The following CPA5 variants were observed in gnomAD, a reference collection of about 807,000 sequenced individuals.
The protein encoded by CPA5 is testicular tissue protein Li 32.
A neutral mutation model predicts 52.2 loss-of-function variants in CPA5; 38 were observed. The ratio of observed to expected loss-of-function variants is 0.73; its 90% CI spans 0.56 to 0.95. The LOEUF (loss-of-function observed/expected upper bound fraction) is 0.95. Among genes scored for constraint, CPA5 ranks in the 40% least tolerant of loss-of-function variants. The pLI is 0.00. For missense variants in CPA5, 519 were observed against 566.7 expected (o/e 0.92, Z 0.86); for synonymous variants, 198 against 213.7 (o/e 0.93, Z 0.64).
chr7:130,368,347 G>T, intron 12 of CPA5, 63 bp from the exon 13 acceptor site: 2 of 1,543,704 alleles, frequency 1.3e-6, no homozygotes, highest in Non-Finnish European at 1.8e-6. Flanking sequence ...GGATGCCTCT[G>T]TACCTTGCAG....
chr7:130,368,102 T>C (rs1362368901), intron 12 of CPA5, 112 bp downstream of exon 12: 2 of 1,002,818 alleles, frequency 2.0e-6, no homozygotes, highest in Non-Finnish European at 3.1e-6. Context: ...CCACACTGGA[T>C]AGAAGGGTGA....
chr7:130,371,108 T>C (rs1392838625), downstream of CPA5, among the ~76,000 whole-genome samples: 1 of 152,086 alleles, frequency 6.6e-6, no homozygotes, highest in Non-Finnish European at 1.5e-5. Context: ...TAAATCCAAG[T>C]CTCTAGTGGG....
downstream of CPA5, among the ~76,000 whole-genome samples, chr7:130,369,676 CGTGTGTGTGTCCGT>C (rs1562964225): frequency 1.3e-5 from 2 of 151,584 alleles, no homozygotes; most frequent in African/African-American, 4.8e-5. Context: ...TGTGCATGTG[CGTGTGTGTGTCCGT>C]GTGTGTGTGT....
chr7:130,362,029 G>T (rs1428045282), intron 7 of CPA5, among the ~76,000 whole-genome samples: 3 of 152,114 alleles, frequency 2.0e-5, no homozygotes, highest in Non-Finnish European at 2.9e-5. Context: ...TCAAAGCACG[G>T]CCCCTGCATG....
At chr7:130,358,049 A>G (rs1795587616) in intron 5 of CPA5, among the ~76,000 whole-genome samples, 1 of 150,414 alleles carries the variant, frequency 6.6e-6, no homozygotes, top group Non-Finnish European at 1.5e-5. Flanking sequence ...TACGATCATA[A>G]CTCACTCTCA....
At chr7:130,352,434 G>A (rs144753921) in intron 5 of CPA5, among the ~76,000 whole-genome samples, 1 of 152,166 alleles carries the variant, frequency 6.6e-6, no homozygotes, top group East Asian at 1.9e-4. Context: ...GTTGCTATGG[G>A]AGCGCATACA....
chr7:130,361,857 G>A (rs1795808746), intron 7 of CPA5, among the ~76,000 whole-genome samples: 1 of 152,194 alleles, frequency 6.6e-6, no homozygotes, highest in Admixed American at 6.5e-5. Flanking sequence ...TCAGCTGTCA[G>A]GAAGGGCAGG....
At chr7:130,365,987 G>A (rs1017400974) in intron 10 of CPA5, among the ~76,000 whole-genome samples, 1 of 152,234 alleles carries the variant, frequency 6.6e-6, no homozygotes, top group African/African-American at 2.4e-5. Context: ...CATCCCAGGT[G>A]AGGACCACCA....
At chr7:130,358,968 T>C (rs1554405860) in intron 5 of CPA5, among the ~76,000 whole-genome samples, 1 of 152,228 alleles carries the variant, frequency 6.6e-6, no homozygotes, top group African/African-American at 2.4e-5. Context: ...TGAAAGACCA[T>C]TGGCACATTA....
At chr7:130,370,879 C>G (rs1016429272), downstream of CPA5, among the ~76,000 whole-genome samples, 9 of 152,226 alleles carry the variant, frequency 5.9e-5, no homozygotes, top group Non-Finnish European at 1.5e-5. Context: ...CCCCTGTTCC[C>G]CTGCCTCCCG....
intron 5 of CPA5, among the ~76,000 whole-genome samples, chr7:130,351,065 G>T (rs1456305707): frequency 6.6e-6 from 1 of 152,210 alleles, no homozygotes; most frequent in African/African-American, 2.4e-5. Context: ...GTATGTCAGG[G>T]GATCAACGCA....
intron 2 of CPA5, among the ~76,000 whole-genome samples, 189 bp from the exon 3 acceptor site, chr7:130,346,203 CA>C (rs1380362844): frequency 2.0e-5 from 3 of 152,142 alleles, no homozygotes; most frequent in African/African-American, 7.2e-5. Flanking sequence ...TTGATGCTCA[CA>C]AGGGGCTGCC....
rs142275512 is a variant in CPA5 at position 130,349,410 on chromosome 7, G to C, written c.199-565G>C. On this transcript the variant is annotated intron_variant, in intron 4 of 12. Coordinates refer to ENST00000474905, the MANE Select transcript of CPA5 (RefSeq NM_080385.5). ...GATCATGCCATTGCACCCCAGCCTG[G>C]GCGAAACTCCATCTCAAAAAAAAAA... 5.1e-3 allele frequency among the ~76,000 whole-genome samples: 774 copies of C among 152,084 alleles called. 5 individuals carry two copies. Among genetic ancestry groups the C allele is most frequent in the African/African-American group, 0.018 (746 of 41,470 alleles).
intron 10 of CPA5, among the ~76,000 whole-genome samples, chr7:130,363,895 C>A (rs782074036): frequency 1.3e-5 from 2 of 152,206 alleles, no homozygotes; most frequent in African/African-American, 4.8e-5. Context: ...ATATCCCTAG[C>A]CCTGCCCTGA....
chr7:130,349,984 T>C lies in CPA5; in HGVS notation c.208T>C (p.Trp70Arg), dbSNP rs782504813. 4 of 1,613,280 alleles carry C rather than the reference T, an allele frequency of 2.5e-6. No individual in the cohort carries two copies. The highest frequency in any genetic ancestry group is 1.1e-5 in the South Asian group (1 of 90,876). ...TTCCTTGGTGAACAAGGTGGACTTCTGGCGTGGCCCAGCCAGGCCCAGCCT... is the reference window on the plus strand; with the variant it reads ...TTCCTTGGTGAACAAGGTGGACTTCCGGCGTGGCCCAGCCAGGCCCAGCCT... ...EGLKPQKVDF[W>R]RGPARPSLPV... The change falls in exon 5 of 13, where the codon TGG becomes CGG. Residue 70 changes from tryptophan (W) to arginine (R), a missense_variant. By Grantham distance (101) the Trp-to-Arg change is moderately radical. Coordinates refer to ENST00000474905, the MANE Select transcript of CPA5 (RefSeq NM_080385.5).
chr7:130,349,260 C>T (rs1213334926), intron 4 of CPA5, among the ~76,000 whole-genome samples: 1 of 151,994 alleles, frequency 6.6e-6, no homozygotes, highest in Non-Finnish European at 1.5e-5. Flanking sequence ...TGGTGAAACC[C>T]CTGTCTCTAC....
chr7:130,350,654 A>G (rs1436717582), intron 5 of CPA5, among the ~76,000 whole-genome samples: 1 of 152,202 alleles, frequency 6.6e-6, no homozygotes, highest in Non-Finnish European at 1.5e-5. Context: ...CCCAGGCAGC[A>G]TTCTCCCAGA....
intron 3 of CPA5, 22 bp from the exon 4 acceptor site, chr7:130,347,744 G>T (rs782044811): frequency 1.2e-6 from 2 of 1,602,604 alleles, no homozygotes; most frequent in Non-Finnish European, 8.5e-7. Context: ...AGCTTCCTCC[G>T]CCCCTCCCTG....
intron 5 of CPA5, among the ~76,000 whole-genome samples, chr7:130,355,392 C>T (rs1026755527): frequency 6.6e-6 from 1 of 151,624 alleles, no homozygotes; most frequent in Non-Finnish European, 1.5e-5. Context: ...CTCATGAGAA[C>T]ATTGGTGTGT....
Sources: allele counts gnomAD v4.1 joint callset (sites outside exome capture counted in the v4.1 genomes callset), GRCh38; gene constraint gnomAD v4.1.1; transcripts MANE v1.5; gene names NCBI Gene and HGNC (gene_info 2026-07-23, HGNC 2026-07-21).